TNIK: variants seen among roughly 807,000 people sequenced by gnomAD.
TNIK encodes the protein TRAF2 and NCK interacting kinase.
TNIK carries 49 observed loss-of-function variants against 191.3 expected under a neutral mutation model. That is an observed-to-expected ratio of 0.26 (90% CI 0.20 to 0.32). The LOEUF (loss-of-function observed/expected upper bound fraction) is 0.32, where lower values mean the gene tolerates loss of function less well. Ranked by LOEUF, TNIK falls within the 10% of genes least tolerant of loss-of-function variation. The pLI is 1.00. For missense variants in TNIK, 1,155 were observed against 1,702.3 expected (o/e 0.68, Z 5.66); for synonymous variants, 594 against 600.9 (o/e 0.99, Z 0.17).
intron 2 of TNIK, among the ~76,000 whole-genome samples, chr3:171,332,910 T>C (rs973896818): frequency 1.3e-5 from 2 of 152,138 alleles, no homozygotes; most frequent in Non-Finnish European, 2.9e-5. Context: ...ACTTGAAAAT[T>C]TGGGGACATT....
intron 2 of TNIK, among the ~76,000 whole-genome samples, chr3:171,324,335 G>A (rs1314970167): frequency 1.3e-5 from 2 of 152,086 alleles, no homozygotes; most frequent in African/African-American, 4.8e-5. Context: ...AGGCTTCCTT[G>A]GTATCCGATG....
intron 10 of TNIK, 80 bp downstream of exon 10, chr3:171,167,015 A>T: frequency 6.7e-7 from 1 of 1,486,554 alleles, no homozygotes; most frequent in South Asian, 1.4e-5. Flanking sequence ...AAATCCCCAT[A>T]GTCACCTCCA....
chr3:171,212,335 T>A (rs1418013664), intron 3 of TNIK, among the ~76,000 whole-genome samples: 1 of 152,166 alleles, frequency 6.6e-6, no homozygotes, highest in Non-Finnish European at 1.5e-5. Flanking sequence ...ACCAGGGATC[T>A]CTTCCTTAAT....
chr3:171,344,293 G>A (rs1711802548), intron 2 of TNIK, among the ~76,000 whole-genome samples: 1 of 152,102 alleles, frequency 6.6e-6, no homozygotes, highest in Admixed American at 6.6e-5. Context: ...GAGATTGCTT[G>A]CAAACTCCAA....
At chr3:171,185,911 T>C (rs1465668812) in intron 7 of TNIK, among the ~76,000 whole-genome samples, 1 of 152,230 alleles carries the variant, frequency 6.6e-6, no homozygotes, top group African/African-American at 2.4e-5. Context: ...TCCTTTATTC[T>C]AAATACACAC....
intron 1 of TNIK, among the ~76,000 whole-genome samples, chr3:171,415,110 C>T (rs1220825173): frequency 6.6e-6 from 1 of 152,164 alleles, no homozygotes; most frequent in Non-Finnish European, 1.5e-5. Context: ...AGAGTATGTA[C>T]CATCTCAGTA....
At chr3:171,271,117 C>G (rs570110651) in intron 2 of TNIK, among the ~76,000 whole-genome samples, 249 of 152,248 alleles carry the variant, frequency 1.6e-3, no homozygotes, top group Non-Finnish European at 1.8e-3. Context: ...TCTGGCTTAC[C>G]CTAAGGACAA....
chr3:171,250,731 AT>A (rs1420582622), intron 2 of TNIK, among the ~76,000 whole-genome samples: 1 of 152,214 alleles, frequency 6.6e-6, no homozygotes, highest in Non-Finnish European at 1.5e-5. Context: ...AATCAGAGAA[AT>A]GATACTTAAG....
At chr3:171,406,192 T>G (rs529588143) in intron 1 of TNIK, among the ~76,000 whole-genome samples, 1 of 152,082 alleles carries the variant, frequency 6.6e-6, no homozygotes, top group Non-Finnish European at 1.5e-5. Flanking sequence ...CTACTTACCA[T>G]GGGTTCAGTG....
intron 2 of TNIK, among the ~76,000 whole-genome samples, chr3:171,263,036 C>T (rs1218213446): frequency 6.6e-6 from 1 of 152,128 alleles, no homozygotes; most frequent in Non-Finnish European, 1.5e-5. Context: ...TATTGACTGT[C>T]CAGGTAAGCT....
chr3:171,215,189 A>G (rs9831990), intron 3 of TNIK, among the ~76,000 whole-genome samples: 10,605 of 152,142 alleles, frequency 0.07, 384 homozygotes, highest in African/African-American at 0.089. Flanking sequence ...TTGACCTTCT[A>G]GAAGATGAGA....
At chr3:171,459,940 T>G in intron 1 of TNIK, 67 bp downstream of exon 1, 4 of 1,276,466 alleles carry the variant, frequency 3.1e-6, no homozygotes, top group Non-Finnish European at 3.3e-6. Context: ...CAGCCCCCAG[T>G]CCACGCACCG....
chr3:171,402,773 AAGAC>A (rs1721120310), intron 1 of TNIK, among the ~76,000 whole-genome samples: 2 of 152,208 alleles, frequency 1.3e-5, no homozygotes, highest in Admixed American at 1.3e-4. Context: ...TGTTCCATCA[AAGAC>A]AGAATCATTT....
chr3:171,315,019 T>G (rs112579673), intron 2 of TNIK, among the ~76,000 whole-genome samples: 35 of 152,116 alleles, frequency 2.3e-4, no homozygotes, highest in African/African-American at 8.0e-4. Flanking sequence ...TAAAAGTCAT[T>G]AGTAACAACA....
At chr3:171,136,672 A>G (rs571408495) in intron 15 of TNIK, among the ~76,000 whole-genome samples, 4 of 152,318 alleles carry the variant, frequency 2.6e-5, no homozygotes, top group South Asian at 4.1e-4. Context: ...AACACCTGCC[A>G]TGGTCAGGAG....
At chr3:171,328,356 A>G (rs868784097) in intron 2 of TNIK, among the ~76,000 whole-genome samples, 2 of 152,134 alleles carry the variant, frequency 1.3e-5, no homozygotes, top group Non-Finnish European at 2.9e-5. Flanking sequence ...CCAGTTCATG[A>G]TATTTTTGTT....
intron 2 of TNIK, among the ~76,000 whole-genome samples, chr3:171,368,619 T>A (rs902887645): frequency 1.3e-4 from 20 of 152,274 alleles, no homozygotes; most frequent in African/African-American, 4.8e-4. Flanking sequence ...TAAATGTGTA[T>A]CCACTTAGAA....
At position 171,070,462 on chromosome 3, in the gene TNIK, C is replaced by G. The variant is rs367705456; in HGVS notation, c.3549+761G>C. Among the ~76,000 whole-genome samples, 23 of 151,474 alleles carry G rather than the reference C, an allele frequency of 1.5e-4. No homozygotes were observed. In the East Asian group the frequency reaches 3.3e-3, roughly 22 times the overall value. On this transcript the variant is annotated intron_variant, in intron 29 of 32. Transcript: ENST00000436636. ...AGACATAAGCTGAGAGAGAGAGAGA[C>G]AGAGAGAGATCAGAGAGAGAGAGTG... is the stretch of plus-strand genomic sequence containing the variant.
intron 2 of TNIK, among the ~76,000 whole-genome samples, chr3:171,239,710 A>C (rs568457158): frequency 6.6e-6 from 1 of 152,248 alleles, no homozygotes; most frequent in Non-Finnish European, 1.5e-5. Flanking sequence ...GGACATTAGA[A>C]AACTGAAAGT....
Sources: gnomAD v4.1 joint callset for allele counts (sites outside exome capture counted in the v4.1 genomes callset) on GRCh38, gnomAD v4.1.1 for gene constraint, MANE v1.5 for transcripts, NCBI Gene and HGNC (gene_info 2026-07-23, HGNC 2026-07-21) for gene names.